MPZL1: variants seen among roughly 807,000 people sequenced by gnomAD.
MPZL1 encodes the protein myelin protein zero-like protein 1.
A neutral mutation model predicts 29.3 loss-of-function variants in MPZL1; 16 were observed. The ratio of observed to expected loss-of-function variants is 0.55; its 90% CI spans 0.37 to 0.83. The LOEUF (loss-of-function observed/expected upper bound fraction) is 0.83. MPZL1 is among the 40% of genes least tolerant of loss of function. The pLI is 0.00. For synonymous variants in MPZL1, 143 were observed against 132.0 expected (o/e 1.08, Z -0.57); for missense variants, 279 against 332.9 (o/e 0.84, Z 1.26).
chr1:167,737,257 A>G (rs1054436653), intron 1 of MPZL1, among the ~76,000 whole-genome samples: 1 of 152,208 alleles, frequency 6.6e-6, no homozygotes, highest in African/African-American at 2.4e-5. Context: ...ACTGTACTCA[A>G]GTGGAAATTA....
At chr1:167,762,597 G>T (rs1661012163) in intron 1 of MPZL1, among the ~76,000 whole-genome samples, 1 of 152,236 alleles carries the variant, frequency 6.6e-6, no homozygotes, top group Non-Finnish European at 1.5e-5. Context: ...CTTGGCCCAA[G>T]GTGATTGGCT....
intron 1 of MPZL1, among the ~76,000 whole-genome samples, chr1:167,759,056 C>T (rs893259504): frequency 2.6e-5 from 4 of 152,124 alleles, no homozygotes; most frequent in Non-Finnish European, 4.4e-5. Context: ...TGGTTTTATT[C>T]AGGAATCAAC....
intron 5 of MPZL1, among the ~76,000 whole-genome samples, chr1:167,779,173 C>T (rs757823632): frequency 1.1e-4 from 16 of 150,280 alleles, no homozygotes; most frequent in Non-Finnish European, 1.5e-4. Context: ...AGTGAGCCAC[C>T]GGACAATATC....
At chr1:167,755,594 T>C (rs1660852901) in intron 1 of MPZL1, among the ~76,000 whole-genome samples, 1 of 152,254 alleles carries the variant, frequency 6.6e-6, no homozygotes, top group South Asian at 2.1e-4. Flanking sequence ...TATTTTCATC[T>C]GCTTGCTAAG....
At chr1:167,732,240 C>T (rs1428787204) in intron 1 of MPZL1, among the ~76,000 whole-genome samples, 1 of 152,056 alleles carries the variant, frequency 6.6e-6, no homozygotes, top group Non-Finnish European at 1.5e-5. Context: ...CAGAAATTTC[C>T]TTCTACTCTT....
intron 1 of MPZL1, among the ~76,000 whole-genome samples, chr1:167,742,941 TGTAA>T (rs1239659516): frequency 6.6e-6 from 1 of 152,100 alleles, no homozygotes; most frequent in African/African-American, 2.4e-5. Context: ...ATCAGTAGGC[TGTAA>T]GTATTTGGGT....
intron 1 of MPZL1, among the ~76,000 whole-genome samples, chr1:167,749,398 A>T (rs1660711395): frequency 6.6e-6 from 1 of 152,208 alleles, no homozygotes; most frequent in South Asian, 2.1e-4. Flanking sequence ...ACTCAGTAAG[A>T]TATAAAATAT....
intron 5 of MPZL1, 75 bp from the exon 6 acceptor site, chr1:167,787,745 C>T: frequency 9.2e-7 from 1 of 1,088,684 alleles, no homozygotes; most frequent in South Asian, 1.3e-5. Context: ...TCACGTTAAT[C>T]ATTGCTTCTA....
chr1:167,726,874 T>C (rs1660158250), intron 1 of MPZL1, among the ~76,000 whole-genome samples: 1 of 152,240 alleles, frequency 6.6e-6, no homozygotes, highest in Admixed American at 6.5e-5. Context: ...GAACACCTAC[T>C]GGGCACAAGG....
intron 1 of MPZL1, among the ~76,000 whole-genome samples, chr1:167,751,508 A>G (rs1342172929): frequency 6.6e-6 from 1 of 152,026 alleles, no homozygotes; most frequent in African/African-American, 2.4e-5. Flanking sequence ...CATCTCTACT[A>G]AAGATACAAA....
chr1:167,779,964 AG>A (rs113864981), intron 5 of MPZL1, among the ~76,000 whole-genome samples: 11,080 of 152,260 alleles, frequency 0.073, 579 homozygotes, highest in African/African-American at 0.14. Context: ...CCAGAGATAG[AG>A]GGACTTTTTA....
At chr1:167,737,942 TTTTGAGAC>T (rs1235245266) in intron 1 of MPZL1, among the ~76,000 whole-genome samples, 1 of 152,134 alleles carries the variant, frequency 6.6e-6, no homozygotes, top group Admixed American at 6.5e-5. Context: ...TGTTTGTTTG[TTTTGAGAC>T]AGAGTCTTGC....
chr1:167,722,044 C>G lies in MPZL1; in HGVS notation c.-108C>G. 1 of 1,218,208 alleles carries G rather than the reference C, an allele frequency of 8.2e-7. No individual in the cohort carries two copies. The highest frequency in any genetic ancestry group is 1.0e-6 in the Non-Finnish European group (1 of 976,174). 75.5% of individuals were successfully genotyped at this position (1,218,208 alleles called of 1,614,324 possible). A position where few individuals can be genotyped will look rare whatever the true frequency, so the allele number is the denominator to read the frequency against. On this transcript the variant is annotated 5_prime_UTR_variant, in exon 1 of 6. Coordinates refer to ENST00000359523, the MANE Select transcript of MPZL1 (RefSeq NM_003953.6). Reference sequence around the variant, plus strand: ...AGCGCGGCGTGGAGGTGCCACCCGGCGCGGGTGGCGGAGAGATCAGAAGCC... The same window carrying G: ...AGCGCGGCGTGGAGGTGCCACCCGGGGCGGGTGGCGGAGAGATCAGAAGCC...
At chr1:167,783,639 A>C (rs1476377459) in intron 5 of MPZL1, among the ~76,000 whole-genome samples, 1 of 152,178 alleles carries the variant, frequency 6.6e-6, no homozygotes, top group Non-Finnish European at 1.5e-5. Context: ...TATTTTACAC[A>C]TGAAGAAACT....
intron 1 of MPZL1, among the ~76,000 whole-genome samples, chr1:167,728,455 G>A (rs542958102): frequency 7.2e-6 from 1 of 138,614 alleles, no homozygotes; most frequent in Non-Finnish European, 1.5e-5. Context: ...TGATCCACCC[G>A]CCTCGGCCTC....
At chr1:167,724,453 G>A (rs1340927553) in intron 1 of MPZL1, among the ~76,000 whole-genome samples, 3 of 152,302 alleles carry the variant, frequency 2.0e-5, no homozygotes, top group Non-Finnish European at 4.4e-5. Context: ...TAATAATCCC[G>A]GGGAGGATGA....
chr1:167,739,323 T>TACA (rs1437358979), intron 1 of MPZL1, among the ~76,000 whole-genome samples: 1 of 93,406 alleles, frequency 1.1e-5, no homozygotes, highest in East Asian at 2.9e-4. Flanking sequence ...ATATATATAT[T>TACA]TATGTTTATT....
chr1:167,722,224 G>A lies in MPZL1; in HGVS notation c.73G>A (p.Ala25Thr), dbSNP rs928717706. The change falls in exon 1 of 6, where the codon GCG becomes ACG. Residue 25 changes from alanine (A) to threonine (T), a missense_variant. Coordinates refer to ENST00000359523, the MANE Select transcript of MPZL1 (RefSeq NM_003953.6). Reference sequence around the variant, plus strand: ...CCGGCGCTGGCTGTGGTCGGTGCTGGCGGCGGCGCTTGGGCTCTGTAAGTG... The same window carrying A: ...CCGGCGCTGGCTGTGGTCGGTGCTGACGGCGGCGCTTGGGCTCTGTAAGTG... The part of the protein sequence containing the change: ...DSRRWLWSVL[A>T]AALGLLTAGV... 5.6e-6 allele frequency: 7 copies of A among 1,239,706 alleles called. No individual in the cohort carries two copies. The highest frequency in any genetic ancestry group is 2.5e-4 in the Middle Eastern group (1 of 4,056). 76.8% of individuals were successfully genotyped at this position (1,239,706 alleles called of 1,614,324 possible). A position where few individuals can be genotyped will look rare whatever the true frequency, so the allele number is the denominator to read the frequency against.
intron 1 of MPZL1, among the ~76,000 whole-genome samples, chr1:167,735,014 T>C (rs1335955298): frequency 6.6e-6 from 1 of 152,208 alleles, no homozygotes; most frequent in Admixed American, 6.5e-5. Flanking sequence ...AGAATAAGAT[T>C]CTGGATTTGA....
Sources: allele counts gnomAD v4.1 joint callset (sites outside exome capture counted in the v4.1 genomes callset), GRCh38; gene constraint gnomAD v4.1.1; transcripts MANE v1.5; gene names NCBI Gene and HGNC (gene_info 2026-07-23, HGNC 2026-07-21).